Variants in ERN1 observed in about 807,000 individuals in gnomAD.
ERN1 encodes endoplasmic reticulum to nucleus signaling 1.
In ERN1, 39 loss-of-function variants were observed where a neutral mutation model predicts 113.1. That is an observed-to-expected ratio of 0.34 (90% confidence interval 0.27 to 0.45). The LOEUF is 0.45. Ranked by LOEUF, ERN1 falls within the 20% of genes least tolerant of loss-of-function variation. The probability of loss-of-function intolerance (pLI) is 1.00; values close to 1 mark genes in which losing one functional copy is unlikely to be tolerated. For synonymous variants in ERN1, 507 were observed against 515.9 expected (o/e 0.98, Z 0.23); for missense variants, 976 against 1,274.8 (o/e 0.77, Z 3.57).
At chr17:64,086,890 C>T (rs1013674924) in intron 2 of ERN1, among the ~76,000 whole-genome samples, 3 of 151,804 alleles carry the variant, frequency 2.0e-5, no homozygotes, top group Admixed American at 1.3e-4. Flanking sequence ...GTGATTCACC[C>T]GCCGTGGCCT....
intron 1 of ERN1, chr17:64,098,654 T>C: frequency 2.0e-6 from 1 of 489,320 alleles, no homozygotes; most frequent in South Asian, 1.5e-5. Context: ...CATGAAATTT[T>C]AAAAAGCAAA....
chr17:64,067,098 G>A, intron 7 of ERN1, 166 bp from the exon 8 acceptor site: 3 of 714,548 alleles, frequency 4.2e-6, no homozygotes, highest in Non-Finnish European at 6.9e-6. Context: ...AACTCGCTTA[G>A]TCTCTGTAAT....
At chr17:64,101,573 G>C (rs963301970) in intron 1 of ERN1, among the ~76,000 whole-genome samples, 4 of 152,296 alleles carry the variant, frequency 2.6e-5, no homozygotes, top group African/African-American at 9.6e-5. Context: ...CAAGCTAGCA[G>C]GTAGGAGAGA....
chr17:64,054,875 A>C lies in ERN1; in HGVS notation c.1673-47T>G. ...AGATTGTTTCAAACAGATATCACCT[A>C]AAGAACCTTGAGGTTAACATAGTGA... On this transcript the variant is annotated intron_variant, in intron 13 of 21. Coordinates refer to ENST00000433197, the MANE Select transcript of ERN1 (RefSeq NM_001433.5). The surrounding 1 kb of genome is among the most constrained non-coding windows in gnomAD (Gnocchi z 4.9). The C allele has an allele frequency of 7.2e-7, 1 of 1,396,834 alleles. No individual in the cohort carries two copies. The highest frequency in any genetic ancestry group is 9.9e-7 in the Non-Finnish European group (1 of 1,005,058). The allele number at this position is 1,396,834 out of a possible 1,614,324, so 86.5% of individuals were successfully genotyped here. A position where few individuals can be genotyped will look rare whatever the true frequency, so the allele number is the denominator to read the frequency against.
At chr17:64,075,076 G>T in intron 5 of ERN1, 99 bp downstream of exon 5, 2 of 988,850 alleles carry the variant, frequency 2.0e-6, no homozygotes, top group Non-Finnish European at 1.6e-6. Flanking sequence ...GAAAGGGTTG[G>T]CAAGGCGGTG....
chr17:64,053,010 T>C lies in ERN1; in HGVS notation c.2054-31A>G, dbSNP rs879095497. ...AGAGAACTCCAGATTAGTCCAATGC[T>C]TACCAGGAGCAACCCCAGGCCTCCT... is the stretch of plus-strand genomic sequence containing the variant. On this transcript the variant is annotated intron_variant, in intron 16 of 21. Coordinates refer to ENST00000433197, the MANE Select transcript of ERN1 (RefSeq NM_001433.5). The C allele has an allele frequency of 2.7e-6, 4 of 1,499,058 alleles. No homozygotes were observed. In the South Asian group the frequency reaches 4.8e-5, roughly 18 times the overall value. 92.9% of individuals were successfully genotyped at this position (1,499,058 alleles called of 1,614,324 possible).
Position 64,068,248 on chromosome 17 carries a change from C to T in ERN1, c.522G>A (p.Arg174=), listed in dbSNP as rs1395960620. The T allele has an allele frequency of 1.2e-6, 2 of 1,612,820 alleles. No homozygotes were observed. Among genetic ancestry groups the T allele is most frequent in the African/African-American group, 1.3e-5 (1 of 74,916 alleles). Residue 174 remains arginine (R), a synonymous_variant, in exon 7 of 22, where the codon CGG becomes CGA. Coordinates refer to ENST00000433197, the MANE Select transcript of ERN1 (RefSeq NM_001433.5). The part of the protein sequence containing the change: ...TMYDTKTREL[R]WNATYFDYAA... The stretch of plus-strand genomic sequence containing the variant: ...CATAGTCAAAGTAGGTGGCATTCCA[C>T]CGGAGCTCTCGGGTTTTGGTGTCGT...
intron 3 of ERN1, 93 bp downstream of exon 3, chr17:64,080,682 C>T: frequency 8.7e-7 from 1 of 1,146,262 alleles, no homozygotes; most frequent in South Asian, 1.4e-5. Context: ...CAAACTTACA[C>T]ATATATGCAC....
intron 1 of ERN1, among the ~76,000 whole-genome samples, chr17:64,114,438 G>A (rs1374509579): frequency 1.3e-5 from 2 of 152,208 alleles, no homozygotes; most frequent in African/African-American, 4.8e-5. Flanking sequence ...CTATAGGAAA[G>A]GGAGAAGGAA....
chr17:64,073,462 A>G (rs1358147394), intron 5 of ERN1, among the ~76,000 whole-genome samples: 6 of 148,058 alleles, frequency 4.1e-5, no homozygotes, highest in Non-Finnish European at 5.9e-5. Context: ...GGTGTGAGCC[A>G]CCATGCCCGG....
intron 6 of ERN1, among the ~76,000 whole-genome samples, chr17:64,071,087 G>A (rs543494485): frequency 1.2e-4 from 18 of 152,222 alleles, no homozygotes; most frequent in Non-Finnish European, 2.2e-4. Context: ...GCTGAAAAGG[G>A]AGGAAACACA....
intron 2 of ERN1, among the ~76,000 whole-genome samples, chr17:64,092,325 G>A (rs1442125780): frequency 6.6e-6 from 1 of 152,086 alleles, no homozygotes; most frequent in East Asian, 1.9e-4. Context: ...TGTCAGCACA[G>A]GGAGGAACTG....
chr17:64,104,428 G>A (rs895888654), intron 1 of ERN1, among the ~76,000 whole-genome samples: 10 of 152,110 alleles, frequency 6.6e-5, no homozygotes, highest in African/African-American at 2.4e-4. Context: ...TTCCTTATCA[G>A]GGGTTTCAGA....
At chr17:64,099,843 T>C (rs535741184) in intron 1 of ERN1, among the ~76,000 whole-genome samples, 1 of 152,168 alleles carries the variant, frequency 6.6e-6, no homozygotes, top group East Asian at 1.9e-4. Context: ...TGCTAGAACT[T>C]TGCACATCCC....
intron 17 of ERN1, among the ~76,000 whole-genome samples, chr17:64,052,566 T>C (rs1181400380): frequency 6.7e-6 from 1 of 148,484 alleles, no homozygotes; most frequent in Non-Finnish European, 1.5e-5. Context: ...ATTGGAAGAA[T>C]AGGGAAAAAA....
chr17:64,130,018 C>G lies in ERN1; in HGVS notation c.12G>C (p.Arg4=). Residue 4 remains arginine, a synonymous_variant, in exon 1 of 22, where the codon CGG becomes CGC. Transcript: ENST00000433197. The surrounding 1 kb of genome is among the most constrained non-coding windows in gnomAD (Gnocchi z 4.0). The part of the protein sequence containing the change: MPA[R]RLLLLLTLLL... Reference sequence around the variant, plus strand: ...GCAGCGTCAGCAGCAGCAGCAGCCGCCGGGCCGGCATGGCGAGGACTCGGC... The same window carrying G: ...GCAGCGTCAGCAGCAGCAGCAGCCGGCGGGCCGGCATGGCGAGGACTCGGC... 1 of 1,434,636 alleles carries G rather than the reference C, an allele frequency of 7.0e-7. No individual in the cohort carries two copies. The highest frequency in any genetic ancestry group is 9.1e-7 in the Non-Finnish European group (1 of 1,100,326). 88.9% of individuals were successfully genotyped at this position (1,434,636 alleles called of 1,614,324 possible). A position where few individuals can be genotyped will look rare whatever the true frequency, so the allele number is the denominator to read the frequency against.
At position 64,054,222 on chromosome 17, in the gene ERN1, G is replaced by C; in HGVS notation, c.1953+28C>G. The C allele has an allele frequency of 6.4e-7, 1 of 1,572,062 alleles. No individual in the cohort carries two copies. Among genetic ancestry groups the C allele is most frequent in the Non-Finnish European group, 8.6e-7 (1 of 1,156,808 alleles). On this transcript the variant is annotated intron_variant, in intron 15 of 21. Transcript: ENST00000433197. The surrounding 1 kb of genome is among the most constrained non-coding windows in gnomAD (Gnocchi z 4.9). Reference sequence around the variant, plus strand: ...CCCAAAGTGCTATGACTTTAATAAAGTTAACAAAATAAAAAAAATAAATCC... The same window carrying C: ...CCCAAAGTGCTATGACTTTAATAAACTTAACAAAATAAAAAAAATAAATCC...
chr17:64,066,048 A>C (rs890397487), intron 8 of ERN1, among the ~76,000 whole-genome samples: 4 of 152,078 alleles, frequency 2.6e-5, no homozygotes, highest in African/African-American at 4.8e-5. Context: ...ACACAACTCT[A>C]TATATAAAGT....
intron 11 of ERN1, among the ~76,000 whole-genome samples, chr17:64,060,242 T>C (rs16947401): frequency 0.055 from 8,382 of 152,216 alleles, 763 homozygotes; most frequent in African/African-American, 0.19. Flanking sequence ...TTCATCCAGG[T>C]CCAGGCCTAG....
Sources: gnomAD v4.1 joint callset for allele counts (sites outside exome capture counted in the v4.1 genomes callset) on GRCh38, gnomAD v4.1.1 for gene constraint, Gnocchi (gnomAD v3.1) non-coding constraint, MANE v1.5 for transcripts, NCBI Gene and HGNC (gene_info 2026-07-23, HGNC 2026-07-21) for gene names.